PTPRK: variants seen among roughly 807,000 people sequenced by gnomAD.
The protein encoded by PTPRK is protein tyrosine phosphatase receptor type K, also known as receptor-type tyrosine-protein phosphatase kappa.
PTPRK carries 75 observed loss-of-function variants against 178.0 expected under a neutral mutation model. The observed-to-expected ratio is 0.42, with a 90% CI of 0.35 to 0.51. The LOEUF (loss-of-function observed/expected upper bound fraction) is 0.51. Among genes scored for constraint, PTPRK ranks in the 20% least tolerant of loss-of-function variants. PTPRK has a pLI of 0.02. For synonymous variants in PTPRK, 637 were observed against 620.6 expected, an observed-to-expected ratio of 1.03 and a Z score of -0.39; for missense variants, 1,441 against 1,797.8, an observed-to-expected ratio of 0.80 and a Z score of 3.59.
Position 128,501,884 on chromosome 6 carries a change from A to G in PTPRK, c.100+18375T>C, listed in dbSNP as rs539148191. ...AAACATGCTTTATATTTAATAATGT[A>G]TATTTTGTAGATGTTAACAATTTCA... On this transcript the variant is annotated intron_variant, in intron 1 of 29. Transcript: ENST00000368226. 5.9e-5 allele frequency among the ~76,000 whole-genome samples: 9 copies of G among 152,368 alleles called. No individual in the cohort carries two copies. The South Asian group carries it at 8.3e-4, about 14-fold the overall frequency.
Position 128,184,631 on chromosome 6 carries a change from A to C in PTPRK, c.963T>G (p.Gly321=), listed in dbSNP as rs1802461071. ...ACTCTACTTCTTTCAGGATGATAGG[A>C]CCATCGCCAATGATCGAGTTGGCAT... is the stretch of plus-strand genomic sequence containing the variant. ...QLNANSIIGD[G]PIILKEVEYR... is the part of the protein sequence containing the mutation. Residue 321 remains glycine (G), a synonymous_variant, in exon 7 of 30, where the codon GGT becomes GGG. Coordinates refer to ENST00000368226, the MANE Select transcript of PTPRK (RefSeq NM_002844.4). The C allele has an allele frequency of 6.2e-7, 1 of 1,614,038 alleles. No homozygotes were observed. The highest frequency in any genetic ancestry group is 8.5e-7 in the Non-Finnish European group (1 of 1,179,962).
At position 128,495,186 on chromosome 6, in the gene PTPRK, C is replaced by G. The variant is rs552673822; in HGVS notation, c.100+25073G>C. On this transcript the variant is annotated intron_variant, in intron 1 of 29. Coordinates refer to ENST00000368226, the MANE Select transcript of PTPRK (RefSeq NM_002844.4). ...AATAGGCAAAGAACTTCAAAAATAG[C>G]AAAGCTTATCACTCAAGGAAGTTAA... Among the ~76,000 whole-genome samples, 4 of 152,214 alleles carry G rather than the reference C, an allele frequency of 2.6e-5. No homozygotes were observed. The South Asian group carries it at 6.2e-4, about 24-fold the overall frequency.
At position 128,305,236 on chromosome 6, in the gene PTPRK, T is replaced by C. The variant is rs78783697; in HGVS notation, c.495+16803A>G. On this transcript the variant is annotated intron_variant, in intron 3 of 29. Coordinates refer to ENST00000368226, the MANE Select transcript of PTPRK (RefSeq NM_002844.4). ...TAATATCTGAAATAAAGTTGACTAA[T>C]AGAGGTGGCTTCAACCAGATTTTTC... is the stretch of plus-strand genomic sequence containing the variant. Among the ~76,000 whole-genome samples the C allele has an allele frequency of 6.4e-3, 972 of 152,338 alleles. 4 individuals are homozygous for C. Among genetic ancestry groups the C allele is most frequent in the Non-Finnish European group, 0.01 (697 of 68,018 alleles).
At chr6:128,509,060 C>T (rs879518481) in intron 1 of PTPRK, among the ~76,000 whole-genome samples, 10 of 152,292 alleles carry the variant, frequency 6.6e-5, no homozygotes, top group Admixed American at 1.3e-4. Context: ...TGTCTCACTC[C>T]GTCCTACCCG....
At chr6:128,297,308 C>T (rs1400515063) in intron 3 of PTPRK, among the ~76,000 whole-genome samples, 3 of 152,144 alleles carry the variant, frequency 2.0e-5, no homozygotes, top group Admixed American at 1.3e-4. Flanking sequence ...CAACATTAGA[C>T]AGATCAATGA....
rs954754877 is a variant in PTPRK, at chr6:128,120,677, G to A, written c.1163-30685C>T. Among the ~76,000 whole-genome samples, 31 of 151,884 alleles carry A rather than the reference G, an allele frequency of 2.0e-4. 1 individual carries two copies. ...ATTCTTAACTGCACAAGAAAAAGAA[G>A]AAAATGAAACATCAGGTGTGTTGGA... On this transcript the variant is annotated intron_variant, in intron 7 of 29. Transcript: ENST00000368226.
chr6:128,178,431 T>G (rs978144895), intron 7 of PTPRK, among the ~76,000 whole-genome samples: 10 of 151,764 alleles, frequency 6.6e-5, no homozygotes, highest in Non-Finnish European at 1.3e-4. Context: ...GATTTTCCCC[T>G]CTAATATAAT....
chr6:128,295,095 T>G (rs1203736361), intron 3 of PTPRK, among the ~76,000 whole-genome samples: 1 of 152,130 alleles, frequency 6.6e-6, no homozygotes, highest in Admixed American at 6.6e-5. Context: ...TTTCAAAATT[T>G]AACTATATGA....
At chr6:128,265,607 T>G (rs762850435) in intron 3 of PTPRK, among the ~76,000 whole-genome samples, 7 of 152,144 alleles carry the variant, frequency 4.6e-5, no homozygotes, top group Non-Finnish European at 7.4e-5. Context: ...GCCACAGTTC[T>G]TGCATTTTGC....
intron 6 of PTPRK, among the ~76,000 whole-genome samples, chr6:128,200,041 C>CT (rs1201398544): frequency 1.3e-5 from 2 of 152,210 alleles, no homozygotes; most frequent in Non-Finnish European, 2.9e-5. Context: ...ATCAAGTAAA[C>CT]TTTTTTCTGC....
chr6:128,151,898 G>A (rs1430608132), intron 7 of PTPRK, among the ~76,000 whole-genome samples: 2 of 151,826 alleles, frequency 1.3e-5, no homozygotes, highest in Non-Finnish European at 2.9e-5. Context: ...GGGAAACTGG[G>A]GTCAAATTAA....
chr6:128,206,008 C>T (rs1292010717), intron 6 of PTPRK, among the ~76,000 whole-genome samples: 1 of 151,720 alleles, frequency 6.6e-6, no homozygotes, highest in Non-Finnish European at 1.5e-5. Flanking sequence ...CTTGGACCCT[C>T]ATGGAAAGAG....
chr6:128,503,212 C>G (rs539102756), intron 1 of PTPRK, among the ~76,000 whole-genome samples: 2 of 152,210 alleles, frequency 1.3e-5, no homozygotes, highest in East Asian at 3.9e-4. Context: ...GGCAACAGAG[C>G]GAGACTCCAT....
At chr6:128,000,333 G>T in intron 15 of PTPRK, 1 of 1,281,480 alleles carries the variant, frequency 7.8e-7, no homozygotes, top group Non-Finnish European at 1.0e-6. Context: ...TTTTCTTCCT[G>T]GAGAAGGGAA....
At chr6:128,104,483 A>G (rs1789346038) in intron 7 of PTPRK, among the ~76,000 whole-genome samples, 1 of 152,096 alleles carries the variant, frequency 6.6e-6, no homozygotes, top group Admixed American at 6.6e-5. Context: ...CGGCCTCCCA[A>G]AGTTCTGGGA....
At chr6:128,489,606 T>C (rs1853475704) in intron 1 of PTPRK, among the ~76,000 whole-genome samples, 2 of 152,244 alleles carry the variant, frequency 1.3e-5, no homozygotes, top group Admixed American at 1.3e-4. Context: ...TTTATTCTTT[T>C]CATATGTGGC....
At chr6:128,381,958 G>T (rs148761823) in intron 2 of PTPRK, among the ~76,000 whole-genome samples, 5 of 151,918 alleles carry the variant, frequency 3.3e-5, no homozygotes, top group Admixed American at 1.3e-4. Context: ...GGCTGAGGTG[G>T]ATCACTTGAG....
intron 7 of PTPRK, among the ~76,000 whole-genome samples, chr6:128,178,173 T>C (rs1244438453): frequency 6.6e-6 from 1 of 151,908 alleles, no homozygotes; most frequent in East Asian, 1.9e-4. Flanking sequence ...GGTCAGATAT[T>C]ATCCCTCTCT....
At chr6:128,254,550 A>T (rs940343674) in intron 3 of PTPRK, among the ~76,000 whole-genome samples, 1 of 152,208 alleles carries the variant, frequency 6.6e-6, no homozygotes, top group African/African-American at 2.4e-5. Context: ...AAATGAAGAC[A>T]TTAAAAGTAT....
Sources: gnomAD v4.1 joint callset for allele counts (sites outside exome capture counted in the v4.1 genomes callset) on GRCh38, gnomAD v4.1.1 for gene constraint, MANE v1.5 for transcripts, NCBI Gene and HGNC (gene_info 2026-07-23, HGNC 2026-07-21) for gene names.